Variants in PIEZO2 observed in about 807,000 individuals in gnomAD.
The protein encoded by PIEZO2 is piezo-type mechanosensitive ion channel component 2.
Under a neutral mutation model 337.3 loss-of-function variants are expected in PIEZO2, and 172 were observed. The ratio of observed to expected loss-of-function variants is 0.51; its 90% CI spans 0.45 to 0.58. The LOEUF (loss-of-function observed/expected upper bound fraction) is 0.58. Ranked by LOEUF, PIEZO2 falls within the 20% of genes least tolerant of loss-of-function variation. PIEZO2 has a pLI of 0.00. For missense variants in PIEZO2, 3,028 were observed against 3,391.3 expected, an observed-to-expected ratio of 0.89 and a Z score of 2.66; for synonymous variants, 1,251 against 1,228.5, an observed-to-expected ratio of 1.02 and a Z score of -0.38.
chr18:10,808,915 A>G (rs1282446117), intron 7 of PIEZO2, among the ~76,000 whole-genome samples: 2 of 152,226 alleles, frequency 1.3e-5, no homozygotes, highest in Non-Finnish European at 2.9e-5. Context: ...CACGCCTGGC[A>G]CATATGCTAG....
rs141213923 is a variant in PIEZO2 at position 11,127,165 on chromosome 18, C to T, written c.64+21360G>A. 1.1e-4 allele frequency among the ~76,000 whole-genome samples: 17 copies of T among 152,204 alleles called. No individual in the cohort carries two copies. The highest frequency in any genetic ancestry group is 2.6e-4 in the African/African-American group (11 of 41,516). Reference sequence around the variant, plus strand: ...AGATAATGACAGAAGTGTGTTGTGACGGTGAGTGACCAGGATCAGGTGTTT... The same window carrying T: ...AGATAATGACAGAAGTGTGTTGTGATGGTGAGTGACCAGGATCAGGTGTTT... On this transcript the variant is annotated intron_variant, in intron 1 of 55. Coordinates refer to ENST00000674853, the MANE Select transcript of PIEZO2 (RefSeq NM_001378183.1). This position sits in a 1 kb window ranked among gnomAD's most constrained non-coding sequence, Gnocchi z 4.5.
intron 4 of PIEZO2, among the ~76,000 whole-genome samples, chr18:10,876,993 G>C (rs1317307190): frequency 6.6e-6 from 1 of 152,088 alleles, no homozygotes; most frequent in Non-Finnish European, 1.5e-5. Context: ...CTCCGTTCCC[G>C]TGGTTTTCTT....
At chr18:10,977,292 A>T (rs1306135229) in intron 3 of PIEZO2, among the ~76,000 whole-genome samples, 1 of 149,778 alleles carries the variant, frequency 6.7e-6, no homozygotes, top group Admixed American at 6.6e-5. Context: ...TGCAGACATG[A>T]ATAAGTTACA....
intron 4 of PIEZO2, among the ~76,000 whole-genome samples, chr18:10,885,625 T>A (rs1466799171): frequency 6.6e-6 from 1 of 152,132 alleles, no homozygotes; most frequent in African/African-American, 2.4e-5. Context: ...GTTTGAAAGG[T>A]ACCACGGTCA....
At position 10,982,728 on chromosome 18, in the gene PIEZO2, A is replaced by ATT. The variant is rs113593129; in HGVS notation, c.161-3070_161-3069dup. On this transcript the variant is annotated intron_variant, in intron 2 of 55. Transcript: ENST00000674853. The surrounding 1 kb of genome is among the most constrained non-coding windows in gnomAD (Gnocchi z 4.1). ...ATGTTATAAAACCATATGTTTATTT[A>ATT]TTTTTTTTTTGAGACAGGGTCTCAC... Among the ~76,000 whole-genome samples the ATT allele has an allele frequency of 2.7e-3, 411 of 149,746 alleles. 3 individuals carry two copies. Among genetic ancestry groups the ATT allele is most frequent in the African/African-American group, 9.1e-3 (374 of 40,898 alleles).
At chr18:10,709,003 A>C (rs1320775862) in intron 39 of PIEZO2, among the ~76,000 whole-genome samples, 1 of 152,232 alleles carries the variant, frequency 6.6e-6, no homozygotes, top group Non-Finnish European at 1.5e-5. Flanking sequence ...TATTCAGTTA[A>C]GCCAAATGAG....
chr18:11,055,801 G>A (rs1283409678), intron 2 of PIEZO2, among the ~76,000 whole-genome samples: 2 of 152,188 alleles, frequency 1.3e-5, no homozygotes, highest in African/African-American at 4.8e-5. Flanking sequence ...GCCGCGCTGG[G>A]CCTGGGCTGC....
intron 11 of PIEZO2, among the ~76,000 whole-genome samples, chr18:10,798,311 G>T (rs531327011): frequency 1.3e-5 from 2 of 152,218 alleles, no homozygotes; most frequent in African/African-American, 2.4e-5. Flanking sequence ...GCTATGTATA[G>T]GTGGGTTACA....
chr18:11,014,281 C>T (rs990752535), intron 2 of PIEZO2, among the ~76,000 whole-genome samples: 4 of 71,412 alleles, frequency 5.6e-5, no homozygotes, highest in Non-Finnish European at 1.4e-4. Context: ...CCCTCTCATT[C>T]CTCAGTGGTA....
intron 4 of PIEZO2, among the ~76,000 whole-genome samples, chr18:10,882,337 G>A (rs372149093): frequency 7.2e-5 from 11 of 152,160 alleles, no homozygotes; most frequent in East Asian, 3.9e-4. Context: ...AGTTACCCCC[G>A]GCCCAACTTG....
At position 11,124,506 on chromosome 18, in the gene PIEZO2, C is replaced by T. The variant is rs143687130; in HGVS notation, c.64+24019G>A. 2.1e-3 allele frequency among the ~76,000 whole-genome samples: 325 copies of T among 152,274 alleles called. 10 individuals are homozygous for T. In the East Asian group the frequency reaches 0.044, roughly 21 times the overall value. ...ATGCACAAATCTCCTCTAGAAGATACGTGCCGAATGGTCAGCACCTTAAAC... is the reference window on the plus strand; with the variant it reads ...ATGCACAAATCTCCTCTAGAAGATATGTGCCGAATGGTCAGCACCTTAAAC... On this transcript the variant is annotated intron_variant, in intron 1 of 55. Transcript: ENST00000674853.
In PIEZO2 at chr18:10,914,292, G is replaced by A. The variant is rs183890308; in HGVS notation, c.287-3064C>T. ...TTATTTTTTTTTTTTCAGGAAAACC[G>A]AAACAGCAACAATAATTAAAAGGAA... is the stretch of plus-strand genomic sequence containing the variant. On this transcript the variant is annotated intron_variant, in intron 3 of 55. Coordinates refer to ENST00000674853, the MANE Select transcript of PIEZO2 (RefSeq NM_001378183.1). Among the ~76,000 whole-genome samples, 38 of 151,130 alleles carry A rather than the reference G, an allele frequency of 2.5e-4. 1 individual carries two copies. The highest frequency in any genetic ancestry group is 9.0e-4 in the African/African-American group (37 of 41,162).
At chr18:11,138,168 T>C (rs1362997144) in intron 1 of PIEZO2, among the ~76,000 whole-genome samples, 2 of 152,258 alleles carry the variant, frequency 1.3e-5, no homozygotes, top group Non-Finnish European at 2.9e-5. Flanking sequence ...TTGGTAAATA[T>C]TTCTTCAGTG....
intron 2 of PIEZO2, among the ~76,000 whole-genome samples, chr18:11,051,083 T>TC (rs2037507843): frequency 1.3e-5 from 2 of 152,008 alleles, no homozygotes; most frequent in Admixed American, 6.6e-5. Context: ...AACACTGGGG[T>TC]CATTATCTGT....
In PIEZO2 at chr18:10,770,265, C is replaced by G. The variant is rs1211985471; in HGVS notation, c.2829G>C (p.Val943=). ...AATACTCCAGGAATTTTAAGAAGAG[C>G]ACAGTGAGGCGGTCAATCACCAGGT... ...KWHLVIDRLT[V]LFLKFLEYFH... is the part of the protein sequence containing the mutation. The change falls in exon 21 of 56, where the codon GTG becomes GTC. Residue 943 remains valine (V), a synonymous_variant. Transcript: ENST00000674853. 2 of 1,537,638 alleles carry G rather than the reference C, an allele frequency of 1.3e-6. No homozygotes were observed.
chr18:10,674,717 T>C (rs1190229841), intron 54 of PIEZO2, among the ~76,000 whole-genome samples: 1 of 152,252 alleles, frequency 6.6e-6, no homozygotes, highest in Non-Finnish European at 1.5e-5. Context: ...AAGCAATTCT[T>C]GATAATTAAT....
At chr18:10,737,883 T>C (rs1205154364) in intron 33 of PIEZO2, 2 of 152,210 alleles carry the variant, frequency 1.3e-5, no homozygotes, top group East Asian at 1.9e-4. Flanking sequence ...CTATACATTG[T>C]AAGGTAATGG....
chr18:10,791,392 G>T, intron 13 of PIEZO2, 68 bp from the exon 14 acceptor site: 1 of 1,398,790 alleles, frequency 7.1e-7, no homozygotes, highest in Non-Finnish European at 9.4e-7. Context: ...TTCAACAAAT[G>T]TAACATTTTC....
At chr18:10,812,705 A>C (rs2040234256) in intron 7 of PIEZO2, among the ~76,000 whole-genome samples, 1 of 151,994 alleles carries the variant, frequency 6.6e-6, no homozygotes, top group Non-Finnish European at 1.5e-5. Flanking sequence ...CTCACGGAGC[A>C]CTTACTTGCA....
Sources: gnomAD v4.1 joint callset for allele counts (sites outside exome capture counted in the v4.1 genomes callset) on GRCh38, gnomAD v4.1.1 for gene constraint, Gnocchi (gnomAD v3.1) non-coding constraint, MANE v1.5 for transcripts, NCBI Gene and HGNC (gene_info 2026-07-23, HGNC 2026-07-21) for gene names.